ARHGEF4: variants seen among roughly 807,000 people sequenced by gnomAD.
ARHGEF4 encodes the protein Rho guanine nucleotide exchange factor 4.
In ARHGEF4, 119 loss-of-function variants were observed where a neutral mutation model predicts 162.0. That is an observed-to-expected ratio of 0.73 (90% CI 0.63 to 0.86). ARHGEF4 has a LOEUF of 0.86. Ranked by LOEUF, ARHGEF4 falls within the 40% of genes least tolerant of loss-of-function variation. The probability of loss-of-function intolerance (pLI) is 0.00; values close to 1 mark genes in which losing one functional copy is unlikely to be tolerated. For missense variants in ARHGEF4, 2,488 were observed against 2,456.0 expected (o/e 1.01, Z -0.28); for synonymous variants, 1,014 against 979.9 (o/e 1.03, Z -0.65).
At chr2:130,883,303 G>A (rs1369122136) in intron 1 of ARHGEF4, among the ~76,000 whole-genome samples, 1 of 152,070 alleles carries the variant, frequency 6.6e-6, no homozygotes, top group East Asian at 1.9e-4. Context: ...GAGACCGAGT[G>A]TGCTGGGTGA....
Position 130,916,393 on chromosome 2 carries a change from C to T in ARHGEF4, c.2447C>T (p.Ala816Val). The T allele has an allele frequency of 6.5e-7, 1 of 1,530,010 alleles. No homozygotes were observed. The highest frequency in any genetic ancestry group is 8.8e-7 in the Non-Finnish European group (1 of 1,141,710). The allele number at this position is 1,530,010 out of a possible 1,614,324, so 94.8% of individuals were successfully genotyped here. A position where few individuals can be genotyped will look rare whatever the true frequency, so the allele number is the denominator to read the frequency against. The change falls in exon 2 of 14, where the codon GCC (alanine) becomes GTC (valine). Residue 816 changes from alanine (A) to valine (V), a missense_variant. By Grantham distance (64) the Ala-to-Val change is moderately conservative. Around this residue, in one of 6 missense-constraint regions of ARHGEF4, gnomAD observed 1,642 missense variants for 1,481.5 expected, o/e 1.11. Transcript: ENST00000409359. ...ACTGAGAGCCCAGGAGGGGTCCCGG[C>T]CCCGACCACCGAGGGTCGCCGCTGG... ...LATESPGGVP[A>V]PTTEGRRWGS...
At chr2:130,852,574 G>A (rs974612143) in intron 1 of ARHGEF4, among the ~76,000 whole-genome samples, 2 of 152,046 alleles carry the variant, frequency 1.3e-5, no homozygotes, top group Admixed American at 6.5e-5. Context: ...GGGCAAGACT[G>A]ACTGTGGGGT....
chr2:130,951,278 G>T (rs1683944229), intron 4 of ARHGEF4, among the ~76,000 whole-genome samples: 1 of 152,208 alleles, frequency 6.6e-6, no homozygotes, highest in African/African-American at 2.4e-5. Flanking sequence ...TGGCTTGAGA[G>T]GCCTAGCTTC....
intron 1 of ARHGEF4, among the ~76,000 whole-genome samples, chr2:130,846,650 C>T (rs535550011): frequency 6.6e-6 from 1 of 152,260 alleles, no homozygotes; most frequent in East Asian, 1.9e-4. Flanking sequence ...TGGATGCCCT[C>T]AGGAGGTGCG....
chr2:130,967,275 C>A (rs541938419), intron 4 of ARHGEF4, among the ~76,000 whole-genome samples: 3 of 152,314 alleles, frequency 2.0e-5, no homozygotes, highest in African/African-American at 7.2e-5. Flanking sequence ...GAGGCATAAT[C>A]CGAACACGAA....
At chr2:130,884,022 G>A (rs1002972474) in intron 1 of ARHGEF4, among the ~76,000 whole-genome samples, 5 of 152,008 alleles carry the variant, frequency 3.3e-5, no homozygotes, top group African/African-American at 7.3e-5. Flanking sequence ...CAACATCATC[G>A]TCAACATTAT....
intron 1 of ARHGEF4, among the ~76,000 whole-genome samples, chr2:130,854,234 T>A (rs1016584353): frequency 2.6e-5 from 4 of 152,224 alleles, no homozygotes; most frequent in Admixed American, 1.3e-4. Flanking sequence ...ACCCTGTCCT[T>A]GGTGCTTGGG....
chr2:130,950,691 C>CCT (rs1217081870), intron 4 of ARHGEF4, among the ~76,000 whole-genome samples: 15 of 143,308 alleles, frequency 1.0e-4, no homozygotes, highest in Non-Finnish European at 1.9e-4. Context: ...CTATTACCCC[C>CCT]CACCACCACC....
intron 4 of ARHGEF4, among the ~76,000 whole-genome samples, chr2:130,954,248 T>G (rs1311112013): frequency 6.6e-6 from 1 of 152,214 alleles, no homozygotes; most frequent in Non-Finnish European, 1.5e-5. Flanking sequence ...TTCCTGTCCT[T>G]TGCAGGGTCA....
chr2:130,992,681 A>G (rs374044256), intron 4 of ARHGEF4, among the ~76,000 whole-genome samples: 35 of 152,338 alleles, frequency 2.3e-4, no homozygotes, highest in African/African-American at 7.9e-4. Flanking sequence ...GAGACCAAGA[A>G]CCCACCAATT....
chr2:131,042,084 A>G (rs1690859855), intron 10 of ARHGEF4, 140 bp downstream of exon 10: 1 of 1,288,774 alleles, frequency 7.8e-7, no homozygotes, highest in East Asian at 2.6e-5. Context: ...TCATGGTGTG[A>G]AAGCCTGTCC....
chr2:131,002,707 C>A (rs1430348664), intron 4 of ARHGEF4, among the ~76,000 whole-genome samples: 1 of 66,216 alleles, frequency 1.5e-5, no homozygotes, highest in East Asian at 5.2e-4. Flanking sequence ...GAGACTCCGT[C>A]TCAAAAAAAA....
At chr2:131,035,286 G>C in intron 5 of ARHGEF4, 6 of 1,209,830 alleles carry the variant, frequency 5.0e-6, no homozygotes, top group Non-Finnish European at 6.2e-6. Flanking sequence ...GCGCCGCGCC[G>C]GGGTGAGTGG....
At chr2:131,003,100 A>G (rs1687888112) in intron 4 of ARHGEF4, among the ~76,000 whole-genome samples, 1 of 152,168 alleles carries the variant, frequency 6.6e-6, no homozygotes, top group Non-Finnish European at 1.5e-5. Flanking sequence ...TCTGGTATGA[A>G]CAGCGTTAGT....
chr2:130,972,543 G>T (rs72996368), intron 4 of ARHGEF4, among the ~76,000 whole-genome samples: 1 of 152,050 alleles, frequency 6.6e-6, no homozygotes, highest in African/African-American at 2.4e-5. Context: ...CCTCTGTTGT[G>T]GTCTCAAAGT....
At chr2:130,837,752 G>A (rs553540120) in intron 1 of ARHGEF4, 7 of 339,758 alleles carry the variant, frequency 2.1e-5, no homozygotes, top group African/African-American at 1.6e-4. Flanking sequence ...GAGCTCCGAT[G>A]GGCTCCTACT....
chr2:130,954,569 T>A (rs1684154993), intron 4 of ARHGEF4, among the ~76,000 whole-genome samples: 1 of 152,186 alleles, frequency 6.6e-6, no homozygotes, highest in African/African-American at 2.4e-5. Flanking sequence ...ATAACAAATA[T>A]TAAAAAATCC....
chr2:130,946,710 C>A (rs758040215), intron 4 of ARHGEF4, 75 bp downstream of exon 4: 1 of 1,588,974 alleles, frequency 6.3e-7, no homozygotes, highest in Admixed American at 1.7e-5. Flanking sequence ...GTGCTGTTGG[C>A]AGCTGTATCC....
intron 4 of ARHGEF4, among the ~76,000 whole-genome samples, chr2:130,988,850 G>T (rs1305226567): frequency 3.3e-5 from 1 of 30,264 alleles, no homozygotes; most frequent in Non-Finnish European, 1.2e-4. Context: ...ACATATATTT[G>T]TGTGTGTGTG....
Sources: allele counts gnomAD v4.1 joint callset (sites outside exome capture counted in the v4.1 genomes callset), GRCh38; gene constraint gnomAD v4.1.1; regional missense constraint gnomAD v4.1.1; transcripts MANE v1.5; gene names NCBI Gene and HGNC (gene_info 2026-07-23, HGNC 2026-07-21).